The following LSAMP variants were observed in gnomAD, a reference collection of about 807,000 sequenced individuals.
The protein encoded by LSAMP is limbic system-associated membrane protein.
In LSAMP, 7 loss-of-function variants were observed where a neutral mutation model predicts 38.6. The observed-to-expected ratio is 0.18, with a 90% CI of 0.10 to 0.34. The LOEUF (loss-of-function observed/expected upper bound fraction) is 0.34. Ranked by LOEUF, LSAMP falls within the 10% of genes least tolerant of loss-of-function variation. The probability of loss-of-function intolerance (pLI) is 1.00; values close to 1 mark genes in which losing one functional copy is unlikely to be tolerated. For synonymous variants in LSAMP, 154 were observed against 166.8 expected, an observed-to-expected ratio of 0.92 and a Z score of 0.59; for missense variants, 313 against 420.0, an observed-to-expected ratio of 0.75 and a Z score of 2.23.
At chr3:115,952,335 G>A (rs1938318683) in intron 3 of LSAMP, among the ~76,000 whole-genome samples, 1 of 152,160 alleles carries the variant, frequency 6.6e-6, no homozygotes, top group African/African-American at 2.4e-5. Flanking sequence ...ATCAACCAAT[G>A]AGTGGATAAA....
chr3:116,089,416 G>A (rs1223027418), intron 1 of LSAMP, among the ~76,000 whole-genome samples: 1 of 152,150 alleles, frequency 6.6e-6, no homozygotes, highest in East Asian at 1.9e-4. Context: ...AGAGTGCAGT[G>A]GTGCAATCTC....
chr3:116,108,537 G>A (rs185724432), intron 1 of LSAMP, among the ~76,000 whole-genome samples: 4 of 152,132 alleles, frequency 2.6e-5, no homozygotes, highest in South Asian at 2.1e-4. Context: ...CTCGGCGTCC[G>A]TGATGGTCTA....
intron 1 of LSAMP, among the ~76,000 whole-genome samples, chr3:116,342,408 T>C (rs1360391236): frequency 6.6e-6 from 1 of 151,958 alleles, no homozygotes; most frequent in Non-Finnish European, 1.5e-5. Context: ...GGAAAGAAAA[T>C]AGGGGATCTG....
chr3:116,035,927 G>A (rs1206780513), intron 2 of LSAMP, among the ~76,000 whole-genome samples: 1 of 152,180 alleles, frequency 6.6e-6, no homozygotes, highest in East Asian at 1.9e-4. Context: ...AAAATGTTGG[G>A]AAATGTGAGG....
intron 1 of LSAMP, among the ~76,000 whole-genome samples, chr3:116,100,024 T>G (rs1221238451): frequency 6.8e-6 from 1 of 146,448 alleles, no homozygotes; most frequent in Non-Finnish European, 1.5e-5. Context: ...CTGTTATCAG[T>G]TAATGGAACT....
intron 2 of LSAMP, among the ~76,000 whole-genome samples, chr3:116,049,679 T>C (rs1197646221): frequency 1.3e-5 from 2 of 152,232 alleles, no homozygotes; most frequent in East Asian, 3.8e-4. Flanking sequence ...AACATTTTTT[T>C]CTGAAGGATA....
At chr3:115,952,302 A>T (rs1325809083) in intron 3 of LSAMP, among the ~76,000 whole-genome samples, 1 of 152,184 alleles carries the variant, frequency 6.6e-6, no homozygotes, top group Non-Finnish European at 1.5e-5. Flanking sequence ...AATGGCAAAA[A>T]TATGGAACCA....
intron 1 of LSAMP, among the ~76,000 whole-genome samples, chr3:116,152,294 A>C (rs1194046073): frequency 6.6e-6 from 1 of 152,108 alleles, no homozygotes; most frequent in African/African-American, 2.4e-5. Flanking sequence ...TCCACGTACA[A>C]ACGCATTCAT....
chr3:115,937,727 A>C (rs991790782), intron 3 of LSAMP, among the ~76,000 whole-genome samples: 2 of 152,164 alleles, frequency 1.3e-5, no homozygotes, highest in African/African-American at 4.8e-5. Flanking sequence ...ATGCTAACTT[A>C]ACAAACATAC....
chr3:116,190,088 GACACACACACACACACAC>G (rs3071108), intron 1 of LSAMP, among the ~76,000 whole-genome samples: 2 of 142,708 alleles, frequency 1.4e-5, no homozygotes, highest in African/African-American at 5.5e-5. Flanking sequence ...TCCAGTAGTA[GACACACACACACACACAC>G]ACACACACAC....
chr3:116,323,002 A>G (rs975453025), intron 1 of LSAMP, among the ~76,000 whole-genome samples: 15 of 152,156 alleles, frequency 9.9e-5, no homozygotes, highest in Non-Finnish European at 2.2e-4. Context: ...GAAAGTGCCA[A>G]TGAAAACTGG....
chr3:115,944,918 A>G (rs1003463407), intron 3 of LSAMP, among the ~76,000 whole-genome samples: 1 of 152,066 alleles, frequency 6.6e-6, no homozygotes, highest in Non-Finnish European at 1.5e-5. Flanking sequence ...TAGTTTCTCT[A>G]TGTATATTCC....
rs183732846 is a variant in LSAMP, at chr3:115,949,440, C to T, written c.514+70075G>A. 7.4e-3 allele frequency among the ~76,000 whole-genome samples: 1,130 copies of T among 151,794 alleles called. 10 individuals are homozygous for T. The highest frequency in any genetic ancestry group is 0.012 in the Non-Finnish European group (823 of 67,962). ...GATTTATACAAAAGGTCATTCAAGGCTACTATGAACACCTTTATGCACACA... is the reference window on the plus strand; with the variant it reads ...GATTTATACAAAAGGTCATTCAAGGTTACTATGAACACCTTTATGCACACA... On this transcript the variant is annotated intron_variant, in intron 3 of 6. Transcript: ENST00000490035.
At chr3:116,253,216 A>T (rs2046707749) in intron 1 of LSAMP, among the ~76,000 whole-genome samples, 1 of 83,112 alleles carries the variant, frequency 1.2e-5, no homozygotes, top group African/African-American at 3.8e-5. Context: ...GAATACGGAA[A>T]ATAAATACAG....
chr3:116,108,346 G>T (rs1708516539), intron 1 of LSAMP, among the ~76,000 whole-genome samples: 2 of 152,156 alleles, frequency 1.3e-5, no homozygotes, highest in Admixed American at 6.5e-5. Flanking sequence ...AAAGAGTACT[G>T]TCTAAGTTGG....
chr3:116,137,786 A>T (rs1709283764), intron 1 of LSAMP, among the ~76,000 whole-genome samples: 2 of 152,166 alleles, frequency 1.3e-5, no homozygotes, highest in African/African-American at 4.8e-5. Context: ...GATCAGGCTG[A>T]TATTAACCTA....
At chr3:116,069,843 G>T (rs1344755918) in intron 2 of LSAMP, among the ~76,000 whole-genome samples, 1 of 152,060 alleles carries the variant, frequency 6.6e-6, no homozygotes, top group Non-Finnish European at 1.5e-5. Context: ...TTCTGGGCTA[G>T]AATTCAGAAA....
chr3:116,160,942 G>C (rs956150065), intron 1 of LSAMP, among the ~76,000 whole-genome samples: 1 of 152,076 alleles, frequency 6.6e-6, no homozygotes, highest in Non-Finnish European at 1.5e-5. Context: ...ACTTTACATT[G>C]TTTTCCAATA....
At chr3:115,954,183 G>T (rs1286470813) in intron 3 of LSAMP, among the ~76,000 whole-genome samples, 1 of 152,088 alleles carries the variant, frequency 6.6e-6, no homozygotes, top group African/African-American at 2.4e-5. Context: ...TTCTGGGTCT[G>T]CTTATTTGGA....
Sources: gnomAD v4.1 joint callset for allele counts (sites outside exome capture counted in the v4.1 genomes callset) on GRCh38, gnomAD v4.1.1 for gene constraint, MANE v1.5 for transcripts, NCBI Gene and HGNC (gene_info 2026-07-23, HGNC 2026-07-21) for gene names.